Variants in N4BP2 observed in about 807,000 individuals in gnomAD.
N4BP2 encodes NEDD4-binding protein 2.
A neutral mutation model predicts 152.8 loss-of-function variants in N4BP2; 91 were observed. That is an observed-to-expected ratio of 0.60 (90% confidence interval 0.50 to 0.71). The LOEUF (loss-of-function observed/expected upper bound fraction) is 0.71, where lower values mean the gene tolerates loss of function less well. N4BP2 is among the 30% of genes least tolerant of loss of function. N4BP2 has a pLI of 0.00. For synonymous variants in N4BP2, 646 were observed against 705.3 expected (o/e 0.92, Z 1.33); for missense variants, 1,923 against 2,059.1 (o/e 0.93, Z 1.28).
chr4:40,134,108 C>G (rs1263442023), intron 13 of N4BP2, among the ~76,000 whole-genome samples: 1 of 152,166 alleles, frequency 6.6e-6, no homozygotes, highest in African/African-American at 2.4e-5. Flanking sequence ...CGTGCCCAGC[C>G]CAGTCTGTAC....
At chr4:40,085,501 G>T (rs796407235) in intron 2 of N4BP2, among the ~76,000 whole-genome samples, 13 of 152,232 alleles carry the variant, frequency 8.5e-5, no homozygotes, top group African/African-American at 2.6e-4. Flanking sequence ...CTGTCACTGA[G>T]GCTGGAGTGC....
chr4:40,161,241 C>A (rs1371964878), downstream of N4BP2, among the ~76,000 whole-genome samples: 2 of 152,120 alleles, frequency 1.3e-5, no homozygotes, highest in Non-Finnish European at 2.9e-5. Context: ...GAGAATGCAC[C>A]CTCATCTTGG....
intron 2 of N4BP2, among the ~76,000 whole-genome samples, chr4:40,079,519 A>C (rs1379379229): frequency 6.6e-6 from 1 of 150,508 alleles, no homozygotes; most frequent in Admixed American, 6.7e-5. Flanking sequence ...TAATGTCAGT[A>C]TTGACCATTG....
At chr4:40,113,186 A>C (rs1431552820) in intron 6 of N4BP2, among the ~76,000 whole-genome samples, 1 of 152,184 alleles carries the variant, frequency 6.6e-6, no homozygotes, top group Admixed American at 6.5e-5. Context: ...AATACTGGAA[A>C]ACTGGCTATC....
At chr4:40,111,896 A>G (rs1204820651) in intron 5 of N4BP2, among the ~76,000 whole-genome samples, 188 bp from the exon 6 acceptor site, 3 of 152,218 alleles carry the variant, frequency 2.0e-5, no homozygotes, top group East Asian at 3.8e-4. Flanking sequence ...GATTATGGGC[A>G]TGAGCCACCA....
intron 1 of N4BP2, among the ~76,000 whole-genome samples, chr4:40,064,828 G>T (rs1733918102): frequency 6.6e-6 from 1 of 151,856 alleles, no homozygotes; most frequent in Admixed American, 6.6e-5. Context: ...GGAGTGCAGT[G>T]GTGTGATCTC....
intron 11 of N4BP2, among the ~76,000 whole-genome samples, chr4:40,124,616 G>C (rs558179766): frequency 6.6e-6 from 1 of 152,168 alleles, no homozygotes; most frequent in African/African-American, 2.4e-5. Flanking sequence ...CAAAGTCCTG[G>C]GGTTACAGGC....
intron 12 of N4BP2, among the ~76,000 whole-genome samples, chr4:40,128,097 C>T (rs1442648880): frequency 2.6e-5 from 4 of 152,124 alleles, no homozygotes; most frequent in Non-Finnish European, 5.9e-5. Flanking sequence ...TATATGAAGC[C>T]ATACTTGCAG....
At chr4:40,139,951 C>T (rs1719763952) in intron 14 of N4BP2, among the ~76,000 whole-genome samples, 1 of 151,550 alleles carries the variant, frequency 6.6e-6, no homozygotes, top group African/African-American at 2.4e-5. Flanking sequence ...AGGCATGAAC[C>T]ACCACACCTG....
At chr4:40,189,383 C>T in the N4BP2 span, among the ~76,000 whole-genome samples, 24 of 152,296 alleles carry the variant, frequency 1.6e-4, no homozygotes, top group Middle Eastern at 3.4e-3. This position sits in a 1 kb window ranked among gnomAD's most constrained non-coding sequence, Gnocchi z 4.3. Flanking sequence ...TCAGAAAGGA[C>T]TCAGAAGGGT....
At chr4:40,076,066 T>A (rs1712700583) in intron 2 of N4BP2, among the ~76,000 whole-genome samples, 1 of 152,166 alleles carries the variant, frequency 6.6e-6, no homozygotes, top group Non-Finnish European at 1.5e-5. Flanking sequence ...GCTTAAGCAA[T>A]CCTCCTCCTT....
chr4:40,121,329 A>G lies in N4BP2; in HGVS notation c.3218A>G (p.Asp1073Gly). The G allele has an allele frequency of 6.2e-7, 1 of 1,613,998 alleles. No individual in the cohort carries two copies. The highest frequency in any genetic ancestry group is 8.5e-7 in the Non-Finnish European group (1 of 1,179,970). ...GCAATTCCATATAGAGTAATGTATG[A>G]TAAAAGCACGTTTGTTGAAGAAAGT... ...QEAIPYRVMY[D>G]KSTFVEESEL... Residue 1073 changes from aspartate (D) to glycine (G), a missense_variant, in exon 9 of 18, where the codon GAT becomes GGT. Physicochemically the swap from Asp to Gly is moderately conservative, Grantham distance 94. Transcript: ENST00000261435.
At chr4:40,151,081 A>G (rs1721114487) in intron 16 of N4BP2, among the ~76,000 whole-genome samples, 1 of 152,190 alleles carries the variant, frequency 6.6e-6, no homozygotes, top group African/African-American at 2.4e-5. Context: ...AACGAAACAT[A>G]TACATTACTT....
chr4:40,068,998 T>G (rs975560908), intron 1 of N4BP2, among the ~76,000 whole-genome samples: 2 of 151,886 alleles, frequency 1.3e-5, no homozygotes, highest in Non-Finnish European at 2.9e-5. Flanking sequence ...CGGGCGCCTG[T>G]AATCCTAGCT....
At chr4:40,153,725 G>T (rs1265293991) in intron 17 of N4BP2, among the ~76,000 whole-genome samples, 1 of 152,170 alleles carries the variant, frequency 6.6e-6, no homozygotes, top group Non-Finnish European at 1.5e-5. Context: ...TTTATAAAAG[G>T]AGTAGTTAGA....
intron 2 of N4BP2, among the ~76,000 whole-genome samples, chr4:40,075,461 C>T (rs1277236094): frequency 1.3e-5 from 2 of 151,408 alleles, no homozygotes; most frequent in African/African-American, 2.4e-5. Context: ...TGCAGTGGCG[C>T]GATCTTAGCT....
intron 4 of N4BP2, among the ~76,000 whole-genome samples, chr4:40,104,101 C>T (rs1399487994): frequency 2.0e-5 from 3 of 151,982 alleles, no homozygotes; most frequent in African/African-American, 7.2e-5. Context: ...TACAGGCGCC[C>T]ACCACCACGC....
At chr4:40,100,127 G>A in intron 3 of N4BP2, 1 of 453,632 alleles carries the variant, frequency 2.2e-6, no homozygotes, top group South Asian at 1.6e-5. Flanking sequence ...AACCTATGAG[G>A]TAGGTGCTTT....
chr4:40,120,690 C>T lies in N4BP2; in HGVS notation c.2579C>T (p.Ser860Leu), dbSNP rs770196505. Residue 860 changes from serine to leucine, a missense_variant, in exon 9 of 18, where the codon TCA (serine) becomes TTA (leucine). Transcript: ENST00000261435. ...DGRKSQCDDA[S>L]EPLNSYKYDA... ...AGAAAGTCACAGTGTGATGATGCTT[C>T]AGAGCCACTCAATAGCTATAAATAT... 1 of 1,614,100 alleles carries T rather than the reference C, an allele frequency of 6.2e-7. No homozygotes were observed. The highest frequency in any genetic ancestry group is 8.5e-7 in the Non-Finnish European group (1 of 1,180,008).
Sources: allele counts gnomAD v4.1 joint callset (sites outside exome capture counted in the v4.1 genomes callset), GRCh38; gene constraint gnomAD v4.1.1; non-coding constraint Gnocchi (gnomAD v3.1); transcripts MANE v1.5; gene names NCBI Gene and HGNC (gene_info 2026-07-23, HGNC 2026-07-21).